GAB4: variants seen among roughly 807,000 people sequenced by gnomAD.
GAB4 encodes GRB2-associated-binding protein 4.
Under a neutral mutation model 51.3 loss-of-function variants are expected in GAB4, and 26 were observed. The ratio of observed to expected loss-of-function variants is 0.51; its 90% confidence interval spans 0.37 to 0.70. The LOEUF (loss-of-function observed/expected upper bound fraction) is 0.70. GAB4 is among the 30% of genes least tolerant of loss of function. The pLI is 0.00. For synonymous variants in GAB4, 329 were observed against 291.2 expected (o/e 1.13, Z -1.32); for missense variants, 759 against 734.6 (o/e 1.03, Z -0.38).
At chr22:16,964,067 G>A (rs1395705311) in intron 8 of GAB4, among the ~76,000 whole-genome samples, 1 of 152,088 alleles carries the variant, frequency 6.6e-6, no homozygotes, top group African/African-American at 2.4e-5. Context: ...TCCCACCCAT[G>A]GCCCAGAGTA....
intron 3 of GAB4, among the ~76,000 whole-genome samples, chr22:16,972,342 C>T (rs1353950945): frequency 3.9e-5 from 6 of 152,142 alleles, no homozygotes; most frequent in Admixed American, 2.6e-4. Context: ...TGAGTGAGCC[C>T]GGAAGGATCT....
chr22:16,963,961 C>T (rs1235423985), intron 8 of GAB4, 132 bp from the exon 9 acceptor site: 2 of 665,212 alleles, frequency 3.0e-6, no homozygotes, highest in African/African-American at 1.8e-5. Context: ...GCACTCTCTG[C>T]TCATTCAAAC....
At position 16,963,814 on chromosome 22, in the gene GAB4, A is replaced by C; in HGVS notation, c.1492T>G (p.Phe498Val). 1 of 1,613,834 alleles carries C rather than the reference A, an allele frequency of 6.2e-7. No homozygotes were observed. Among genetic ancestry groups the C allele is most frequent in the African/African-American group, 1.3e-5 (1 of 75,022 alleles). ...CTGCTGGTGCCACCGGAAACAGGAA[A>C]TGCAGATGCCGGGTTCTGCTGTCAC... ...RYLFPNPASA[F>V]PVSGGTSSSA... The change falls in exon 9 of 10, where the codon TTT becomes GTT. Residue 498 changes from phenylalanine to valine, a missense_variant. Phe to Val is a conservative substitution (Grantham distance 50). Coordinates refer to ENST00000400588, the MANE Select transcript of GAB4 (RefSeq NM_001037814.1).
At position 16,968,220 on chromosome 22, in the gene GAB4, G is replaced by C. The variant is rs548038480; in HGVS notation, c.1023+78C>G. ...AGGGAGATGCTGTCACCCTTTGGGG[G>C]ATGTGCTTTTAGTTCCATGGAGTGT... On this transcript the variant is annotated intron_variant, in intron 5 of 9. Transcript: ENST00000400588. 80 of 980,920 alleles carry C rather than the reference G, an allele frequency of 8.2e-5. No homozygotes were observed. In the African/African-American group the frequency reaches 1.2e-3, roughly 14 times the overall value. The allele number at this position is 980,920 out of a possible 1,614,324, so 60.8% of individuals were successfully genotyped here.
chr22:16,980,107 C>T (rs562423259), intron 3 of GAB4, among the ~76,000 whole-genome samples: 5 of 152,136 alleles, frequency 3.3e-5, no homozygotes, highest in Admixed American at 2.6e-4. Context: ...TGGGCAAAGA[C>T]TTCATGAATA....
intron 3 of GAB4, among the ~76,000 whole-genome samples, chr22:16,973,660 C>T (rs2060752828): frequency 6.6e-6 from 1 of 152,200 alleles, no homozygotes; most frequent in Non-Finnish European, 1.5e-5. Flanking sequence ...TGGTCCCTAA[C>T]TCTCCCTCTC....
At chr22:16,966,394 C>A in intron 5 of GAB4, 30 bp from the exon 6 acceptor site, 1 of 1,592,858 alleles carries the variant, frequency 6.3e-7, no homozygotes, top group South Asian at 1.1e-5. Context: ...AGAAACACAG[C>A]TATCACCAGC....
chr22:16,968,256 T>G, intron 5 of GAB4, 42 bp downstream of exon 5: 1 of 1,366,842 alleles, frequency 7.3e-7, no homozygotes, highest in Non-Finnish European at 1.0e-6. Context: ...GACCTTTACC[T>G]CCCTGAGCCA....
At chr22:16,968,235 C>T (rs2060697925) in intron 5 of GAB4, 63 bp downstream of exon 5, 2 of 1,128,850 alleles carry the variant, frequency 1.8e-6, no homozygotes, top group Non-Finnish European at 2.7e-6. Flanking sequence ...GCTTTTAGTT[C>T]CATGGAGTGT....
chr22:16,983,006 T>C (rs573641486), intron 3 of GAB4, among the ~76,000 whole-genome samples: 2 of 152,350 alleles, frequency 1.3e-5, no homozygotes, highest in South Asian at 4.1e-4. Flanking sequence ...GGAATGTGTC[T>C]AGACTTGCTG....
chr22:16,980,996 G>A (rs1204050711), intron 3 of GAB4, among the ~76,000 whole-genome samples: 6 of 151,974 alleles, frequency 3.9e-5, no homozygotes, highest in Non-Finnish European at 7.4e-5. Context: ...ATCACACATC[G>A]GGGCCTGTCA....
intron 3 of GAB4, among the ~76,000 whole-genome samples, chr22:16,979,019 A>G (rs1331411243): frequency 6.6e-6 from 1 of 152,218 alleles, no homozygotes; most frequent in African/African-American, 2.4e-5. Flanking sequence ...CTAGGTATTG[A>G]TGGGATGTAT....
chr22:17,001,867 T>G (rs930108785), intron 1 of GAB4, among the ~76,000 whole-genome samples: 1 of 152,152 alleles, frequency 6.6e-6, no homozygotes, highest in Non-Finnish European at 1.5e-5. Flanking sequence ...CAATGGTGGG[T>G]GCCCCTCCCT....
chr22:16,982,116 G>A (rs1423581679), intron 3 of GAB4, among the ~76,000 whole-genome samples: 2 of 152,128 alleles, frequency 1.3e-5, no homozygotes, highest in Non-Finnish European at 1.5e-5. Flanking sequence ...ACTGAACAGG[G>A]AAAAATGAAA....
At chr22:16,974,034 C>T (rs2060756112) in intron 3 of GAB4, among the ~76,000 whole-genome samples, 1 of 152,164 alleles carries the variant, frequency 6.6e-6, no homozygotes, top group African/African-American at 2.4e-5. Flanking sequence ...AAATTACCTA[C>T]TAAAAGAACA....
intron 3 of GAB4, 144 bp from the exon 4 acceptor site, chr22:16,970,337 G>A (rs2060720467): frequency 1.1e-6 from 1 of 871,396 alleles, no homozygotes; most frequent in African/African-American, 1.7e-5. Context: ...CCTGAGGTTT[G>A]TCTAGTTTGG....
chr22:16,984,915 G>A (rs146223246), intron 3 of GAB4, among the ~76,000 whole-genome samples: 2 of 152,160 alleles, frequency 1.3e-5, no homozygotes, highest in African/African-American at 2.4e-5. Context: ...TTAACCACTG[G>A]CCCCACTGTG....
chr22:16,992,561 T>C (rs1032607439), intron 1 of GAB4, among the ~76,000 whole-genome samples: 2 of 152,122 alleles, frequency 1.3e-5, no homozygotes, highest in African/African-American at 4.8e-5. Context: ...GCATGGTGAG[T>C]TGAAGCAACA....
rs1241385922 is a variant in GAB4, at chr22:16,988,014, G to A, written c.632C>T (p.Pro211Leu). ...CTGGTGCGAGCGGAGACACCCCGGA[G>A]GTGCAGGGATGGGCCAGGTGGGCGG... ...CVPPTWPIPA[P>L]PGCLRSHQHA... is the part of the protein sequence containing the mutation. Residue 211 changes from proline (P) to leucine (L), a missense_variant, in exon 3 of 10, where the codon CCT becomes CTT. Around this residue, in one of 3 missense-constraint regions of GAB4, gnomAD observed 588 missense variants for 510.2 expected, o/e 1.15. Transcript: ENST00000400588. The A allele has an allele frequency of 6.2e-6, 10 of 1,609,914 alleles. No homozygotes were observed. In the East Asian group the frequency reaches 2.0e-4, roughly 32 times the overall value.
Sources: allele counts gnomAD v4.1 joint callset (sites outside exome capture counted in the v4.1 genomes callset), GRCh38; gene constraint gnomAD v4.1.1; regional missense constraint gnomAD v4.1.1; transcripts MANE v1.5; gene names NCBI Gene and HGNC (gene_info 2026-07-23, HGNC 2026-07-21).